The following OTP variants were observed in gnomAD, a reference collection of about 807,000 sequenced individuals.
OTP encodes the protein homeobox protein orthopedia.
OTP carries 5 observed loss-of-function variants against 22.3 expected under a neutral mutation model. The ratio of observed to expected loss-of-function variants is 0.22; its 90% CI spans 0.12 to 0.47. The LOEUF is 0.47. OTP is among the 20% of genes least tolerant of loss of function. The pLI is 0.99. For missense variants in OTP, 428 were observed against 456.2 expected (o/e 0.94, Z 0.56); for synonymous variants, 229 against 210.6 (o/e 1.09, Z -0.76).
intron 2 of OTP, among the ~76,000 whole-genome samples, chr5:77,632,955 C>T (rs186027047): frequency 6.6e-6 from 1 of 152,100 alleles, no homozygotes; most frequent in African/African-American, 2.4e-5. Context: ...AGCACCCACC[C>T]AAGGCTGGAC....
intron 1 of OTP, among the ~76,000 whole-genome samples, chr5:77,638,086 T>C (rs1745037371): frequency 6.6e-6 from 1 of 150,496 alleles, no homozygotes; most frequent in South Asian, 2.2e-4. Flanking sequence ...CCAGATTTTT[T>C]ACAAATTACA....
At chr5:77,633,798 T>C (rs1395375994) in intron 2 of OTP, among the ~76,000 whole-genome samples, 1 of 152,126 alleles carries the variant, frequency 6.6e-6, no homozygotes, top group Non-Finnish European at 1.5e-5. Context: ...TTGAAGCAAA[T>C]GCTTTATGAA....
chr5:77,632,444 G>T (rs775890737), intron 2 of OTP, among the ~76,000 whole-genome samples: 3 of 151,926 alleles, frequency 2.0e-5, no homozygotes, highest in Non-Finnish European at 2.9e-5. Context: ...GATATCCGTG[G>T]AAAAAAACGT....
chr5:77,631,090 G>C (rs1403087245), intron 2 of OTP, among the ~76,000 whole-genome samples: 3 of 152,238 alleles, frequency 2.0e-5, no homozygotes, highest in Admixed American at 6.5e-5. Flanking sequence ...TCTTCACCAC[G>C]CCCCTGCACA....
At chr5:77,637,255 C>G in intron 1 of OTP, 25 bp from the exon 2 acceptor site, 1 of 1,469,180 alleles carries the variant, frequency 6.8e-7, no homozygotes, top group Non-Finnish European at 9.0e-7. Flanking sequence ...GGATCGCGGT[C>G]ACTACTTTCT....
chr5:77,630,402 G>A lies in OTP; in HGVS notation c.840C>T (p.Ser280=). The change falls in exon 3 of 3, where the codon TCC becomes TCT. Residue 280 remains serine (S), a synonymous_variant. Coordinates refer to ENST00000306422, the MANE Select transcript of OTP (RefSeq NM_032109.3). ...CGGAGACGTTGCTGGGGCCGGGGAGGGAGGCGGGCACCATGCCGGGGAAGG... is the reference window on the plus strand; with the variant it reads ...CGGAGACGTTGCTGGGGCCGGGGAGAGAGGCGGGCACCATGCCGGGGAAGG... The part of the protein sequence containing the change: ...QPAFPGMVPA[S]LPGPSNVSGS... 6.3e-7 allele frequency: 1 copy of A among 1,581,790 alleles called. No individual in the cohort carries two copies. The highest frequency in any genetic ancestry group is 1.8e-5 in the Admixed American group (1 of 56,006).
Position 77,636,929 on chromosome 5 carries a change from G to A in OTP, c.339C>T (p.Pro113=). 1 of 1,614,206 alleles carries A rather than the reference G, an allele frequency of 6.2e-7. No individual in the cohort carries two copies. Among genetic ancestry groups the A allele is most frequent in the Non-Finnish European group, 8.5e-7 (1 of 1,180,016 alleles). Residue 113 remains proline, a synonymous_variant, in exon 2 of 3, where the codon CCC becomes CCT. Transcript: ENST00000306422. ...TCCTCTCCAACTCGTTGAGCTGTGC[G>A]GGGGTGAAGCGCGTCCGGTGGCGCT... ...KQKRHRTRFT[P]AQLNELERSF...
At position 77,628,938 on chromosome 5, in the gene OTP, TAGAA is replaced by T. The variant is rs1399866169; in HGVS notation, c.*1322_*1325del. The stretch of plus-strand genomic sequence containing the variant: ...CCTATTTCACATATTTGTTCATTCT[TAGAA>T]AGCGCTTCTGTTCTCTGGGTTTGGA... On this transcript the variant is annotated 3_prime_UTR_variant, in exon 3 of 3. Transcript: ENST00000306422. 6.5e-6 allele frequency: 1 copy of T among 152,682 alleles called. No individual in the cohort carries two copies. Among genetic ancestry groups the T allele is most frequent in the East Asian group, 1.9e-4 (1 of 5,204 alleles). The allele number at this position is 152,682 out of a possible 1,614,324, so 9.5% of individuals were successfully genotyped here.
At chr5:77,638,271 A>AG (rs1197018157) in intron 1 of OTP, among the ~76,000 whole-genome samples, 1 of 138,900 alleles carries the variant, frequency 7.2e-6, no homozygotes, top group Non-Finnish European at 1.6e-5. Context: ...AAGGCGGGGG[A>AG]GGGGGGAAGA....
chr5:77,637,142 C>A lies in OTP; in HGVS notation c.126G>T (p.Pro42=). The part of the protein sequence containing the change: ...GVGGSDPGGH[P]GDLAPNSDPV... Reference sequence around the variant, plus strand: ...GGTCAGAGTTGGGCGCCAGGTCCCCCGGATGGCCCCCGGGGTCGGAGCCCC... The same window carrying A: ...GGTCAGAGTTGGGCGCCAGGTCCCCAGGATGGCCCCCGGGGTCGGAGCCCC... Residue 42 remains proline (P), a synonymous_variant, in exon 2 of 3, where the codon CCG becomes CCT. Coordinates refer to ENST00000306422, the MANE Select transcript of OTP (RefSeq NM_032109.3). 1 of 1,599,366 alleles carries A rather than the reference C, an allele frequency of 6.3e-7. No homozygotes were observed. Among genetic ancestry groups the A allele is most frequent in the Non-Finnish European group, 8.5e-7 (1 of 1,173,086 alleles).
chr5:77,631,551 CTT>C (rs70988699), intron 2 of OTP, among the ~76,000 whole-genome samples: 1,911 of 74,112 alleles, frequency 0.026, 25 homozygotes, highest in African/African-American at 0.1. Context: ...CAACCCTATT[CTT>C]TTTTTTTTTT....
At chr5:77,634,943 A>C (rs1040002354) in intron 2 of OTP, among the ~76,000 whole-genome samples, 2 of 152,170 alleles carry the variant, frequency 1.3e-5, no homozygotes, top group Non-Finnish European at 2.9e-5. Context: ...TTTGAAAATA[A>C]CTATTTCTGT....
intron 2 of OTP, among the ~76,000 whole-genome samples, chr5:77,633,674 T>C (rs571023200): frequency 3.3e-5 from 5 of 152,204 alleles, no homozygotes; most frequent in South Asian, 2.1e-4. Flanking sequence ...TACAGTAATA[T>C]AGACATACTG....
intron 2 of OTP, among the ~76,000 whole-genome samples, chr5:77,633,235 C>T (rs867752381): frequency 1.3e-5 from 2 of 152,146 alleles, no homozygotes; most frequent in Middle Eastern, 3.4e-3. Context: ...TGCTCAGGCA[C>T]AGGCGGAAAA....
At chr5:77,638,392 C>G in intron 1 of OTP, 121 bp downstream of exon 1, 2 of 952,686 alleles carry the variant, frequency 2.1e-6, no homozygotes, top group Non-Finnish European at 3.3e-6. Context: ...AACTTTAATG[C>G]AGCACAATTA....
At chr5:77,634,224 T>C (rs1006185220) in intron 2 of OTP, among the ~76,000 whole-genome samples, 1 of 152,212 alleles carries the variant, frequency 6.6e-6, no homozygotes, top group Non-Finnish European at 1.5e-5. Context: ...TTGCATTTGA[T>C]CACATAATTT....
rs34059045 is a variant in OTP, at chr5:77,638,249, G to GAAA, written c.37+261_37+263dup. On this transcript the variant is annotated intron_variant, in intron 1 of 2. Coordinates refer to ENST00000306422, the MANE Select transcript of OTP (RefSeq NM_032109.3). ...ATTATCACGGGGTATATCGCCTTTC[G>GAAA]AAAAAAAAAAAAAGGCGGGGGAGGG... Among the ~76,000 whole-genome samples the GAAA allele has an allele frequency of 6.5e-3, 602 of 92,386 alleles. 18 individuals are homozygous for GAAA. Among genetic ancestry groups the GAAA allele is most frequent in the African/African-American group, 0.02 (475 of 24,130 alleles). The allele number at this position is 92,386 out of a possible 152,430, so 60.6% of individuals were successfully genotyped here. A position where few individuals can be genotyped will look rare whatever the true frequency, so the allele number is the denominator to read the frequency against.
At position 77,636,817 on chromosome 5, in the gene OTP, G is replaced by C. The variant is rs1272909252; in HGVS notation, c.447+4C>G. The C allele has an allele frequency of 6.2e-7, 1 of 1,605,338 alleles. No individual in the cohort carries two copies. Among genetic ancestry groups the C allele is most frequent in the Non-Finnish European group, 8.5e-7 (1 of 1,174,540 alleles). The stretch of plus-strand genomic sequence containing the variant: ...TTCTGTCCCAGATCCCAAGCCCCTC[G>C]TACCTGCACTCGGGACTCGGTCAGC... On this transcript the variant is annotated splice_donor_region_variant and intron_variant, in intron 2 of 2. Transcript: ENST00000306422.
At chr5:77,636,655 T>C (rs1485670679) in intron 2 of OTP, 166 bp downstream of exon 2, 4 of 640,122 alleles carry the variant, frequency 6.2e-6, no homozygotes, top group Non-Finnish European at 1.1e-5. Flanking sequence ...GGGATGGCGA[T>C]GGGGACCAGT....
Sources: gnomAD v4.1 joint callset for allele counts (sites outside exome capture counted in the v4.1 genomes callset) on GRCh38, gnomAD v4.1.1 for gene constraint, MANE v1.5 for transcripts, NCBI Gene and HGNC (gene_info 2026-07-23, HGNC 2026-07-21) for gene names.